KIFC2: variants seen among roughly 807,000 people sequenced by gnomAD.
The protein encoded by KIFC2 is kinesin family member C2.
KIFC2 carries 94 observed loss-of-function variants against 91.5 expected under a neutral mutation model. The observed-to-expected ratio is 1.03, with a 90% CI of 0.87 to 1.22. The LOEUF is 1.22. Among genes scored for constraint, KIFC2 ranks in the 50% most tolerant of loss-of-function variants. KIFC2 has a pLI of 0.00. For missense variants in KIFC2, 1,357 were observed against 1,103.3 expected (o/e 1.23, Z -3.26); for synonymous variants, 729 against 503.9 (o/e 1.45, Z -5.98).
In KIFC2 at chr8:144,472,024, C is replaced by G; in HGVS notation, c.1463C>G (p.Thr488Ser). The stretch of plus-strand genomic sequence containing the variant: ...ATCTTCACCTATGGCCAGACAGGCA[C>G]CGGGAAGACCTACAGCATGGAGGTG... ...VCIFTYGQTG[T>S]GKTYSMEGPP... is the part of the protein sequence containing the mutation. The change falls in exon 13 of 18, where the codon ACC (threonine) becomes AGC (serine). Residue 488 changes from threonine to serine, a missense_variant. Physicochemically the swap from Thr to Ser is moderately conservative, Grantham distance 58. Transcript: ENST00000645548. 1 of 1,613,490 alleles carries G rather than the reference C, an allele frequency of 6.2e-7. No individual in the cohort carries two copies. The highest frequency in any genetic ancestry group is 8.5e-7 in the Non-Finnish European group (1 of 1,180,026).
At chr8:144,467,412 G>C in intron 4 of KIFC2, 71 bp downstream of exon 4, 9 of 1,544,170 alleles carry the variant, frequency 5.8e-6, no homozygotes, top group Non-Finnish European at 7.0e-6. Flanking sequence ...GGGCGGCCTG[G>C]AGTTCGGGGT....
chr8:144,468,854 T>A lies in KIFC2; in HGVS notation c.1113+20T>A. On this transcript the variant is annotated intron_variant, in intron 10 of 17. Coordinates refer to ENST00000645548, the MANE Select transcript of KIFC2 (RefSeq NM_001369769.2). ...GGCCAGGTCAGGACCCCTCCCCGCC[T>A]AGCCCCTCCTCTCTGGGCAGCCTAT... 6.3e-7 allele frequency: 1 copy of A among 1,587,816 alleles called. No homozygotes were observed. Among genetic ancestry groups the A allele is most frequent in the Non-Finnish European group, 8.6e-7 (1 of 1,156,586 alleles).
intron 6 of KIFC2, 23 bp downstream of exon 6, chr8:144,467,802 C>T (rs1171862531): frequency 2.5e-6 from 4 of 1,613,400 alleles, no homozygotes; most frequent in Non-Finnish European, 3.4e-6. Flanking sequence ...GGAGACCTGG[C>T]AGGGCCGGGC....
intron 12 of KIFC2, among the ~76,000 whole-genome samples, chr8:144,471,682 C>T (rs1026524196): frequency 1.3e-5 from 2 of 152,156 alleles, no homozygotes; most frequent in African/African-American, 4.8e-5. Context: ...CTTCAGGACT[C>T]CAGAGCCTCT....
Position 144,467,541 on chromosome 8 carries a change from C to G in KIFC2, c.526C>G (p.Leu176Val). 1.9e-6 allele frequency: 3 copies of G among 1,604,168 alleles called. No individual in the cohort carries two copies. Among genetic ancestry groups the G allele is most frequent in the African/African-American group, 1.3e-5 (1 of 74,538 alleles). The change falls in exon 5 of 18, where the codon CTG (leucine) becomes GTG (valine). Residue 176 changes from leucine to valine, a missense_variant. By Grantham distance (32) the Leu-to-Val change is conservative. Transcript: ENST00000645548. Reference sequence around the variant, plus strand: ...CTTCACCGCAGTCCCAGGCGAGCCACTGGGGGATGAGACCCAGGGACAGCA... The same window carrying G: ...CTTCACCGCAGTCCCAGGCGAGCCAGTGGGGGATGAGACCCAGGGACAGCA... ...SHFTAVPGEP[L>V]GDETQGQQPL...
chr8:144,473,090 G>GCCGCCCACCCGGGC (rs1006559931), intron 17 of KIFC2, 39 bp downstream of exon 17: 5 of 1,531,822 alleles, frequency 3.3e-6, no homozygotes, highest in East Asian at 2.5e-5. Context: ...CGTGCCGGTC[G>GCCGCCCACCCGGGC]CCGCCCACCC....
At chr8:144,471,867 C>T (rs368646245) in intron 12 of KIFC2, 75 bp from the exon 13 acceptor site, 2 of 1,369,478 alleles carry the variant, frequency 1.5e-6, no homozygotes, top group Admixed American at 1.7e-5. Context: ...CTTCGTGGCA[C>T]TCCCCACCCC....
Position 144,472,227 on chromosome 8 carries a change from C to T in KIFC2, c.1575C>T (p.Leu525=), listed in dbSNP as rs772568227. The T allele has an allele frequency of 1.9e-6, 3 of 1,612,892 alleles. No homozygotes were observed. The highest frequency in any genetic ancestry group is 1.3e-5 in the African/African-American group (1 of 74,754). ...CCGGCCGGCAGCACCGGGTGACACT[C>T]AGCATGGTGGAGATCTACAATGAGG... ...MGAGRQHRVT[L]SMVEIYNEAV... is the part of the protein sequence containing the mutation. Residue 525 remains leucine (L), a synonymous_variant, in exon 14 of 18, where the codon CTC becomes CTT. Transcript: ENST00000645548.
rs951348005 is a variant in KIFC2, at chr8:144,468,274, A to G, written c.811-55A>G. On this transcript the variant is annotated intron_variant, in intron 7 of 17. Transcript: ENST00000645548. Reference sequence around the variant, plus strand: ...TTGACTTGACTTTCCCATCTGTGAAATGGTACCACAGACCGTCCCTCTCTG... The same window carrying G: ...TTGACTTGACTTTCCCATCTGTGAAGTGGTACCACAGACCGTCCCTCTCTG... 31 of 1,485,726 alleles carry G rather than the reference A, an allele frequency of 2.1e-5. No homozygotes were observed. The Admixed American group carries it at 6.0e-4, about 29-fold the overall frequency. 92.0% of individuals were successfully genotyped at this position (1,485,726 alleles called of 1,614,324 possible). A position where few individuals can be genotyped will look rare whatever the true frequency, so the allele number is the denominator to read the frequency against.
At position 144,467,560 on chromosome 8, in the gene KIFC2, G is replaced by A. The variant is rs777297682; in HGVS notation, c.545G>A (p.Gly182Glu). 4.7e-5 allele frequency: 75 copies of A among 1,605,832 alleles called. No homozygotes were observed. Among genetic ancestry groups the A allele is most frequent in the Middle Eastern group, 1.7e-4 (1 of 6,040 alleles). ...GAGCCACTGGGGGATGAGACCCAGG[G>A]ACAGCAGCCCCTCCAGTTGGAGGAG... ...PGEPLGDETQ[G>E]QQPLQLEEDQ... Residue 182 changes from glycine to glutamate, a missense_variant, in exon 5 of 18, where the codon GGA becomes GAA. Coordinates refer to ENST00000645548, the MANE Select transcript of KIFC2 (RefSeq NM_001369769.2).
At chr8:144,472,759 G>A (rs760004128) in intron 16 of KIFC2, 36 bp from the exon 17 acceptor site, 1 of 1,591,338 alleles carries the variant, frequency 6.3e-7, no homozygotes, top group East Asian at 2.3e-5. Flanking sequence ...CCCGAGGCCC[G>A]GCCTTCCCCC....
chr8:144,472,465 A>G lies in KIFC2; in HGVS notation c.1712A>G (p.Asn571Ser), dbSNP rs758640503. Residue 571 changes from asparagine to serine, a missense_variant, in exon 15 of 18, where the codon AAC (asparagine) becomes AGC (serine). Asn to Ser is a conservative substitution (Grantham distance 46). Coordinates refer to ENST00000645548, the MANE Select transcript of KIFC2 (RefSeq NM_001369769.2). ...VAGLTHWDVP[N>S]LETLHQMLKL... is the part of the protein sequence containing the mutation. The stretch of plus-strand genomic sequence containing the variant: ...GGCCTCACCCACTGGGACGTGCCCA[A>G]CCTGGAGACATTGCACCAGGTAGGG... 1.2e-6 allele frequency: 2 copies of G among 1,611,924 alleles called. No homozygotes were observed. Among genetic ancestry groups the G allele is most frequent in the Non-Finnish European group, 1.7e-6 (2 of 1,179,542 alleles).
At position 144,467,657 on chromosome 8, in the gene KIFC2, T is replaced by C. The variant is rs759901534; in HGVS notation, c.615+27T>C. The C allele has an allele frequency of 3.7e-6, 6 of 1,605,128 alleles. No individual in the cohort carries two copies. In the South Asian group the frequency reaches 6.6e-5, roughly 18 times the overall value. ...TGAGGTCCCTGGAGCCAGAAGGGAT[T>C]GCCGGCTGGGACGCCAGAAAAAGGA... On this transcript the variant is annotated intron_variant, in intron 5 of 17. Transcript: ENST00000645548.
chr8:144,468,454 G>T, intron 8 of KIFC2, 48 bp downstream of exon 8: 1 of 1,587,248 alleles, frequency 6.3e-7, no homozygotes, highest in East Asian at 2.3e-5. Flanking sequence ...AGGCGGGCTG[G>T]GGTTTTGGGA....
rs766960466 is a variant in KIFC2, at chr8:144,467,204, C to T, written c.332C>T (p.Ser111Phe). The T allele has an allele frequency of 1.7e-5, 27 of 1,613,604 alleles. No individual in the cohort carries two copies. In the South Asian group the frequency reaches 3.0e-4, roughly 18 times the overall value. Residue 111 changes from serine (S) to phenylalanine (F), a missense_variant and splice_region_variant, in exon 4 of 18, where the codon TCT (serine) becomes TTT (phenylalanine). By Grantham distance (155) the Ser-to-Phe change is radical. Transcript: ENST00000645548. ...CTCGGATTCTTGTCTCCTTCGCAGT[C>T]TGGCGAGGTCCCCTCACTGTTGACA... is the stretch of plus-strand genomic sequence containing the variant. ...SCGGPADLGQ[S>F]GEVPSLLTVT...
chr8:144,469,736 G>T, intron 12 of KIFC2, 89 bp downstream of exon 12: 1 of 1,453,078 alleles, frequency 6.9e-7, no homozygotes, highest in Non-Finnish European at 9.2e-7. Context: ...CCCAGTCTGG[G>T]TGTCCACCTG....
chr8:144,468,684 T>G, intron 9 of KIFC2, 34 bp downstream of exon 9: 1 of 1,611,468 alleles, frequency 6.2e-7, no homozygotes, highest in Non-Finnish European at 8.5e-7. Context: ...TGGGAGGCCC[T>G]GGAGGCTGGG....
chr8:144,468,986 G>A (rs1824812886), intron 10 of KIFC2, 152 bp downstream of exon 10: 1 of 665,952 alleles, frequency 1.5e-6, no homozygotes, highest in Admixed American at 2.9e-5. Flanking sequence ...TTCCACTTCT[G>A]GGCCTTATTT....
In KIFC2 at chr8:144,468,808, G is replaced by T. The variant is rs754158798; in HGVS notation, c.1087G>T (p.Gly363Cys). ...LVSTFTQSCQ[G>C]SLSEARGQVS... ...CAGCACCTTTACCCAGAGCTGTCAG[G>T]GTTCGCTGAGTGAGGCCCGGGGCCA... Residue 363 changes from glycine to cysteine, a missense_variant, in exon 10 of 18, where the codon GGT (glycine) becomes TGT (cysteine). Transcript: ENST00000645548. 5 of 1,614,006 alleles carry T rather than the reference G, an allele frequency of 3.1e-6. No individual in the cohort carries two copies. The highest frequency in any genetic ancestry group is 2.2e-5 in the South Asian group (2 of 91,078).
Sources: allele counts gnomAD v4.1 joint callset (sites outside exome capture counted in the v4.1 genomes callset), GRCh38; gene constraint gnomAD v4.1.1; transcripts MANE v1.5; gene names NCBI Gene and HGNC (gene_info 2026-07-23, HGNC 2026-07-21).